The following RANBP2 variants were observed in gnomAD, a reference collection of about 807,000 sequenced individuals.
RANBP2 encodes the protein E3 SUMO-protein ligase RanBP2.
In RANBP2, 57 loss-of-function variants were observed where a neutral mutation model predicts 303.6. The ratio of observed to expected loss-of-function variants is 0.19; its 90% CI spans 0.15 to 0.23. The LOEUF (loss-of-function observed/expected upper bound fraction) is 0.23, where lower values mean the gene tolerates loss of function less well. Ranked by LOEUF, RANBP2 falls within the 10% of genes least tolerant of loss-of-function variation. The pLI, the probability that RANBP2 is intolerant of heterozygous loss-of-function variation, is 1.00. For synonymous variants in RANBP2, 1,167 were observed against 1,301.5 expected, an observed-to-expected ratio of 0.90 and a Z score of 2.23; for missense variants, 3,138 against 3,780.8, an observed-to-expected ratio of 0.83 and a Z score of 4.46.
At chr2:109,029,182 G>A in the RANBP2 span, among the ~76,000 whole-genome samples, 2 of 152,128 alleles carry the variant, frequency 1.3e-5, no homozygotes, top group Non-Finnish European at 2.9e-5. Flanking sequence ...CAAGATTATT[G>A]TTATTACTGT....
chr2:109,108,527 G>A, the RANBP2 span, among the ~76,000 whole-genome samples: 4 of 152,178 alleles, frequency 2.6e-5, no homozygotes, highest in African/African-American at 9.7e-5. Context: ...AGTTGTGGGA[G>A]CTGATGACCA....
chr2:108,782,709 G>T lies in RANBP2; in HGVS notation c.9216G>T (p.Ala3072=). The T allele has an allele frequency of 6.2e-7, 1 of 1,614,176 alleles. No individual in the cohort carries two copies. Among genetic ancestry groups the T allele is most frequent in the Non-Finnish European group, 8.5e-7 (1 of 1,180,032 alleles). ...TNPVVFFDVC[A]DGEPLGRITM... ...CTGTGGTGTTTTTTGATGTTTGTGC[G>T]GACGGTGAACCTCTAGGGCGGATAA... is the stretch of plus-strand genomic sequence containing the variant. Residue 3072 remains alanine (A), a synonymous_variant, in exon 28 of 29, where the codon GCG becomes GCT. Transcript: ENST00000283195.
chr2:108,769,884 C>A (rs76175237), intron 20 of RANBP2, among the ~76,000 whole-genome samples: 1,901 of 151,884 alleles, frequency 0.013, 48 homozygotes, highest in African/African-American at 0.044. Context: ...GAAGTGAAAT[C>A]TCACCCTTAG....
chr2:109,482,949 A>G, the RANBP2 span, among the ~76,000 whole-genome samples: 2 of 152,238 alleles, frequency 1.3e-5, no homozygotes, highest in East Asian at 1.9e-4. Flanking sequence ...TTGAAGATGC[A>G]TGTTAATGTT....
the RANBP2 span, among the ~76,000 whole-genome samples, chr2:109,606,287 T>C: frequency 6.6e-6 from 1 of 151,972 alleles, no homozygotes. Context: ...TGGTGGCACA[T>C]GCCTGTAATC....
At chr2:109,466,262 T>A in the RANBP2 span, among the ~76,000 whole-genome samples, 2 of 152,004 alleles carry the variant, frequency 1.3e-5, no homozygotes, top group African/African-American at 4.8e-5. Flanking sequence ...TTTGTATTTT[T>A]AGTAGAGACG....
At chr2:108,857,535 A>G in the RANBP2 span, among the ~76,000 whole-genome samples, 2 of 152,196 alleles carry the variant, frequency 1.3e-5, no homozygotes, top group African/African-American at 4.8e-5. Context: ...TTGTTCTACC[A>G]AAGCACTGTA....
the RANBP2 span, among the ~76,000 whole-genome samples, chr2:109,530,667 C>T: frequency 6.6e-6 from 1 of 152,230 alleles, no homozygotes; most frequent in Non-Finnish European, 1.5e-5. Context: ...GTGTACCTTT[C>T]TGTGTGCTGT....
chr2:108,937,046 G>A, the RANBP2 span, among the ~76,000 whole-genome samples: 2 of 152,262 alleles, frequency 1.3e-5, no homozygotes, highest in Admixed American at 1.3e-4. Flanking sequence ...GACACGCAGA[G>A]CACAGGCCAA....
At chr2:109,314,383 T>C in the RANBP2 span, among the ~76,000 whole-genome samples, 1 of 152,180 alleles carries the variant, frequency 6.6e-6, no homozygotes, top group Non-Finnish European at 1.5e-5. Flanking sequence ...CCCATAGATC[T>C]TATAAGAGTG....
At chr2:109,421,869 T>C in the RANBP2 span, among the ~76,000 whole-genome samples, 4 of 152,214 alleles carry the variant, frequency 2.6e-5, no homozygotes, top group Admixed American at 6.5e-5. Flanking sequence ...ATGGCTGTTA[T>C]ACTGAGTAGC....
chr2:108,845,592 G>A, the RANBP2 span, among the ~76,000 whole-genome samples: 6 of 132,920 alleles, frequency 4.5e-5, no homozygotes, highest in South Asian at 4.6e-4. Context: ...TTTTTTTTGA[G>A]ATGGAGTCTC....
At chr2:109,426,990 G>A in the RANBP2 span, among the ~76,000 whole-genome samples, 1 of 150,746 alleles carries the variant, frequency 6.6e-6, no homozygotes, top group Non-Finnish European at 1.5e-5. Flanking sequence ...TTTTTTTTGA[G>A]ACGAGTCTCG....
intron 20 of RANBP2, among the ~76,000 whole-genome samples, 157 bp from the exon 21 acceptor site, chr2:108,771,544 C>G (rs565289381): frequency 6.6e-6 from 1 of 152,188 alleles, no homozygotes; most frequent in South Asian, 2.1e-4. Flanking sequence ...AATTCTAGTT[C>G]ATGATTATCA....
At chr2:108,801,021 C>G in the RANBP2 span, among the ~76,000 whole-genome samples, 2 of 53,722 alleles carry the variant, frequency 3.7e-5, no homozygotes, top group Non-Finnish European at 8.4e-5. Flanking sequence ...TTAATCCAGT[C>G]TATCATTGTT....
the RANBP2 span, among the ~76,000 whole-genome samples, chr2:109,078,955 C>T: frequency 2.0e-5 from 3 of 151,920 alleles, no homozygotes; most frequent in Admixed American, 6.6e-5. Flanking sequence ...CGCACAATTG[C>T]TTTCCAGCCT....
downstream of RANBP2, among the ~76,000 whole-genome samples, chr2:108,786,365 G>T (rs900140095): frequency 6.6e-6 from 1 of 151,566 alleles, no homozygotes; most frequent in African/African-American, 2.4e-5. Context: ...TAGCAGCCGG[G>T]ACTACACGCG....
chr2:109,044,337 G>A, the RANBP2 span, among the ~76,000 whole-genome samples: 1 of 151,822 alleles, frequency 6.6e-6, no homozygotes, highest in African/African-American at 2.4e-5. Flanking sequence ...TGGCCAACAC[G>A]GTGAAACCCC....
intron 14 of RANBP2, 117 bp downstream of exon 14, chr2:108,753,680 C>T: frequency 1.3e-6 from 2 of 1,583,934 alleles, no homozygotes; most frequent in Non-Finnish European, 1.7e-6. Flanking sequence ...TGGCTCACTG[C>T]AACCTCTGCT....
Sources: gnomAD v4.1 joint callset for allele counts (sites outside exome capture counted in the v4.1 genomes callset) on GRCh38, gnomAD v4.1.1 for gene constraint, MANE v1.5 for transcripts, NCBI Gene and HGNC (gene_info 2026-07-23, HGNC 2026-07-21) for gene names.